The following COMMD1 variants were observed in gnomAD, a reference collection of about 807,000 sequenced individuals.
COMMD1 encodes COMM domain-containing protein 1.
Under a neutral mutation model 17.2 loss-of-function variants are expected in COMMD1, and 10 were observed. The ratio of observed to expected loss-of-function variants is 0.58; its 90% CI spans 0.36 to 0.99. The LOEUF (loss-of-function observed/expected upper bound fraction) is 0.99, where lower values mean the gene tolerates loss of function less well. Among genes scored for constraint, COMMD1 ranks in the 50% least tolerant of loss-of-function variants. The pLI, the probability that COMMD1 is intolerant of heterozygous loss-of-function variation, is 0.01. For missense variants in COMMD1, 270 were observed against 231.8 expected, an observed-to-expected ratio of 1.17 and a Z score of -1.07; for synonymous variants, 97 against 91.6, an observed-to-expected ratio of 1.06 and a Z score of -0.34.
chr2:62,002,346 T>G (rs1244211500), intron 2 of COMMD1, among the ~76,000 whole-genome samples: 1 of 132,730 alleles, frequency 7.5e-6, no homozygotes, highest in Non-Finnish European at 1.6e-5. Flanking sequence ...CAAAAATTAG[T>G]CAGGCATGGT....
intron 1 of COMMD1, among the ~76,000 whole-genome samples, chr2:61,920,977 A>ATTTT (rs1176214560): frequency 4.4e-5 from 6 of 135,484 alleles, no homozygotes; most frequent in African/African-American, 1.7e-4. Flanking sequence ...ATATATATAT[A>ATTTT]TATATTTTTT....
At chr2:61,906,007 T>G (rs1669763625) in intron 1 of COMMD1, 149 bp downstream of exon 1, 1 of 769,392 alleles carries the variant, frequency 1.3e-6, no homozygotes, top group Non-Finnish European at 2.2e-6. Context: ...ATCGGGCTCC[T>G]TCAGATTTGC....
chr2:61,999,150 G>T (rs746469791), intron 1 of COMMD1, among the ~76,000 whole-genome samples: 1 of 152,188 alleles, frequency 6.6e-6, no homozygotes, highest in South Asian at 2.1e-4. Context: ...TGCAGTATCT[G>T]TGAATTATAA....
chr2:61,987,816 C>T (rs990151925), intron 1 of COMMD1, among the ~76,000 whole-genome samples: 3 of 152,188 alleles, frequency 2.0e-5, no homozygotes, highest in African/African-American at 7.2e-5. Context: ...GAGCCAGGGC[C>T]TGGTTTGTAA....
At chr2:62,016,891 T>C (rs74616637) in intron 2 of COMMD1, among the ~76,000 whole-genome samples, 98 of 152,354 alleles carry the variant, frequency 6.4e-4, no homozygotes, top group African/African-American at 2.3e-3. Context: ...TTTTTTCATA[T>C]GATATGAGGC....
chr2:62,063,460 G>C (rs1377062450), intron 2 of COMMD1, among the ~76,000 whole-genome samples: 1 of 152,122 alleles, frequency 6.6e-6, no homozygotes, highest in East Asian at 1.9e-4. Context: ...AAAGTGCTGG[G>C]ATTACAGGCG....
intron 2 of COMMD1, among the ~76,000 whole-genome samples, chr2:62,003,869 T>G (rs527987426): frequency 6.6e-6 from 1 of 152,242 alleles, no homozygotes; most frequent in Admixed American, 6.5e-5. Flanking sequence ...TGCTCGCTTC[T>G]GTAATCTCAG....
intron 2 of COMMD1, among the ~76,000 whole-genome samples, chr2:62,045,161 C>CTG (rs1670344489): frequency 6.6e-6 from 1 of 151,922 alleles, no homozygotes; most frequent in Admixed American, 6.6e-5. Context: ...ATGGGTGCTG[C>CTG]TGATTGGTTA....
At chr2:62,088,446 A>G (rs1453247517) in intron 2 of COMMD1, among the ~76,000 whole-genome samples, 7 of 152,084 alleles carry the variant, frequency 4.6e-5, no homozygotes, top group Non-Finnish European at 1.0e-4. Context: ...GTTTTTCCCC[A>G]TTTCTTGTTT....
At chr2:61,904,381 GAA>G (rs1272709569), upstream of COMMD1, among the ~76,000 whole-genome samples, 1 of 152,218 alleles carries the variant, frequency 6.6e-6, no homozygotes. Context: ...GTAGAGTGAG[GAA>G]AGAGTGTTTT....
intron 1 of COMMD1, among the ~76,000 whole-genome samples, chr2:61,937,818 G>C (rs528824348): frequency 6.8e-6 from 1 of 147,762 alleles, no homozygotes; most frequent in East Asian, 2.0e-4. Context: ...TACCCAGGAG[G>C]CTTTGTCACA....
chr2:61,893,013 A>G (rs1286115872), intron 1 of COMMD1, among the ~76,000 whole-genome samples: 1 of 151,806 alleles, frequency 6.6e-6, no homozygotes, highest in Admixed American at 6.6e-5. Flanking sequence ...GACTATAGGC[A>G]TGCGCCACCG....
chr2:61,900,378 G>T (rs1180703281), intron 1 of COMMD1, among the ~76,000 whole-genome samples: 1 of 152,238 alleles, frequency 6.6e-6, no homozygotes, highest in Non-Finnish European at 1.5e-5. Flanking sequence ...GGAGTCAGAA[G>T]AAAGAAATGT....
At chr2:61,976,387 A>C (rs1011029316) in intron 1 of COMMD1, among the ~76,000 whole-genome samples, 1 of 152,192 alleles carries the variant, frequency 6.6e-6, no homozygotes, top group Non-Finnish European at 1.5e-5. Context: ...CAGACTGAAC[A>C]GACTTCAGAG....
At chr2:62,096,621 GC>G (rs1672017354) in intron 2 of COMMD1, among the ~76,000 whole-genome samples, 1 of 152,216 alleles carries the variant, frequency 6.6e-6, no homozygotes, top group Non-Finnish European at 1.5e-5. Context: ...TCCAACTCCT[GC>G]CTGTCAACTC....
chr2:61,888,834 A>G, exon 1 of COMMD1: 3 of 380,394 alleles, frequency 7.9e-6, no homozygotes, highest in Non-Finnish European at 1.4e-5. Flanking sequence ...GCGATTTTAA[A>G]GGCGAGTGGT....
At chr2:61,895,021 T>C (rs4325733) in intron 1 of COMMD1, among the ~76,000 whole-genome samples, 9,521 of 152,112 alleles carry the variant, frequency 0.063, 528 homozygotes, top group African/African-American at 0.14. Context: ...AATAGTACCA[T>C]GAGGATGCAA....
At chr2:62,086,753 A>T (rs1324435933) in intron 2 of COMMD1, among the ~76,000 whole-genome samples, 2 of 152,170 alleles carry the variant, frequency 1.3e-5, no homozygotes, top group African/African-American at 4.8e-5. Context: ...AGGATCCAGA[A>T]CTTATTTTGG....
intron 1 of COMMD1, among the ~76,000 whole-genome samples, chr2:61,981,498 C>A (rs918523786): frequency 6.6e-6 from 1 of 152,126 alleles, no homozygotes; most frequent in African/African-American, 2.4e-5. Flanking sequence ...TTCCACTGGT[C>A]TGTGTGTCTG....
Sources: gnomAD v4.1 joint callset for allele counts (sites outside exome capture counted in the v4.1 genomes callset) on GRCh38, gnomAD v4.1.1 for gene constraint, MANE v1.5 for transcripts, NCBI Gene and HGNC (gene_info 2026-07-23, HGNC 2026-07-21) for gene names.